RHCE: variants seen among roughly 807,000 people sequenced by gnomAD.
RHCE encodes blood group Rh(CE) polypeptide.
A neutral mutation model predicts 43.8 loss-of-function variants in RHCE; 22 were observed. That is an observed-to-expected ratio of 0.50 (90% CI 0.36 to 0.72). The LOEUF is 0.72. Ranked by LOEUF, RHCE falls within the 30% of genes least tolerant of loss-of-function variation. The probability of loss-of-function intolerance (pLI) is 0.00; values close to 1 mark genes in which losing one functional copy is unlikely to be tolerated. For synonymous variants in RHCE, 156 were observed against 210.7 expected (o/e 0.74, Z 2.25); for missense variants, 385 against 525.4 (o/e 0.73, Z 2.61).
chr1:25,380,336 G>A lies in RHCE; in HGVS notation c.1074-4908C>T, dbSNP rs895861006. On this transcript the variant is annotated intron_variant, in intron 7 of 9. Coordinates refer to ENST00000294413, the MANE Select transcript of RHCE (RefSeq NM_020485.8). ...ATGGAATTTGGACCCCCGAAGCTTC[G>A]GGGAGCTCTGCCCCTGTGGTTTTGC... Among the ~76,000 whole-genome samples the A allele has an allele frequency of 5.7e-3, 818 of 143,686 alleles. 3 individuals carry two copies. The highest frequency in any genetic ancestry group is 9.0e-3 in the Non-Finnish European group (589 of 65,776). The allele number at this position is 143,686 out of a possible 152,430, so 94.3% of individuals were successfully genotyped here. A position where few individuals can be genotyped will look rare whatever the true frequency, so the allele number is the denominator to read the frequency against.
intron 8 of RHCE, 40 bp from the exon 9 acceptor site, chr1:25,370,580 A>T (rs1557596794): frequency 6.5e-7 from 1 of 1,528,786 alleles, no homozygotes; most frequent in East Asian, 2.3e-5. Context: ...GATTTGGAGC[A>T]CAGGATTTTT....
chr1:25,371,264 A>G (rs1208736317), intron 8 of RHCE, among the ~76,000 whole-genome samples: 1 of 151,034 alleles, frequency 6.6e-6, no homozygotes, highest in Non-Finnish European at 1.5e-5. Context: ...GCTCCAGTCA[A>G]CTCCTGGGAA....
chr1:25,424,828 G>GA (rs2042793141), upstream of RHCE, among the ~76,000 whole-genome samples: 1 of 148,072 alleles, frequency 6.8e-6, no homozygotes, highest in Non-Finnish European at 1.5e-5. Context: ...GTGTATTTAG[G>GA]TTTTTTTTTT....
intron 9 of RHCE, among the ~76,000 whole-genome samples, chr1:25,369,730 A>AT (rs3080376): frequency 0.062 from 5,874 of 95,404 alleles, 843 homozygotes; most frequent in African/African-American, 0.22. Context: ...CACTGTAAGA[A>AT]TTTTTTTTTT....
chr1:25,408,726 G>C lies in RHCE; in HGVS notation c.292C>G (p.Leu98Val). The C allele has an allele frequency of 7.8e-7, 1 of 1,282,474 alleles. No individual in the cohort carries two copies. Among genetic ancestry groups the C allele is most frequent in the South Asian group, 1.9e-5 (1 of 53,626 alleles). 79.4% of individuals were successfully genotyped at this position (1,282,474 alleles called of 1,614,324 possible). Residue 98 changes from leucine to valine, a missense_variant, in exon 2 of 10, where the codon CTG becomes GTG. By Grantham distance (32) the Leu-to-Val change is conservative (BLOSUM62 1). Transcript: ENST00000294413. ...VQWAILLDGF[L>V]SQFPPGKVVI... Reference sequence around the variant, plus strand: ...ACCTTCCCAGGAGGGAACTGGCTCAGGAAGCCGTCCAGCAGGATTGCCCAC... The same window carrying C: ...ACCTTCCCAGGAGGGAACTGGCTCACGAAGCCGTCCAGCAGGATTGCCCAC...
chr1:25,373,192 C>T (rs1182398694), intron 8 of RHCE, among the ~76,000 whole-genome samples: 1 of 151,576 alleles, frequency 6.6e-6, no homozygotes, highest in African/African-American at 2.4e-5. Flanking sequence ...TTGTCTTTTC[C>T]TCTATTCTCT....
upstream of RHCE, among the ~76,000 whole-genome samples, chr1:25,424,198 T>C (rs1233835303): frequency 6.6e-6 from 1 of 152,240 alleles, no homozygotes; most frequent in Non-Finnish European, 1.5e-5. Flanking sequence ...CACTAAGCTA[T>C]GATGTTCCGT....
At chr1:25,430,157 G>A (rs1044212906) in exon 1 of RHCE, 11 of 152,074 alleles carry the variant, frequency 7.2e-5, no homozygotes, top group African/African-American at 1.9e-4. Flanking sequence ...TGTGGACGTG[G>A]AGCCCGGGCC....
intron 1 of RHCE, among the ~76,000 whole-genome samples, chr1:25,411,793 C>A (rs1480670828): frequency 1.3e-5 from 2 of 152,156 alleles, no homozygotes; most frequent in African/African-American, 4.8e-5. Flanking sequence ...AGGTGCAGTG[C>A]ACATGTGGGA....
chr1:25,379,794 C>G (rs1645938052), intron 7 of RHCE, among the ~76,000 whole-genome samples: 2 of 152,066 alleles, frequency 1.3e-5, no homozygotes, highest in South Asian at 4.1e-4. Context: ...CTCACCTCAG[C>G]CTCCTGAGTA....
In RHCE at chr1:25,362,549, G is replaced by A; in HGVS notation, c.1232C>T (p.Pro411Leu). ...TGCTTAAAATCCAACAGCCAAATGA[G>A]GAAACTGTAAAAGCAAAACAAACAT... ...YFDDQVFWKF[P>L]HLAVGF The change falls in exon 10 of 10, where the codon CCT becomes CTT. Residue 411 changes from proline (P) to leucine (L), a missense_variant. By Grantham distance (98) the Pro-to-Leu change is moderately conservative. Coordinates refer to ENST00000294413, the MANE Select transcript of RHCE (RefSeq NM_020485.8). 6.3e-7 allele frequency: 1 copy of A among 1,581,286 alleles called. No individual in the cohort carries two copies. Among genetic ancestry groups the A allele is most frequent in the Non-Finnish European group, 8.7e-7 (1 of 1,155,770 alleles).
At chr1:25,419,514 C>A (rs569561103) in intron 1 of RHCE, among the ~76,000 whole-genome samples, 1 of 152,202 alleles carries the variant, frequency 6.6e-6, no homozygotes, top group South Asian at 2.1e-4. Flanking sequence ...TAGGAACAAG[C>A]AAGCACTCAA....
At chr1:25,420,583 C>T in intron 1 of RHCE, 56 bp downstream of exon 1, 1 of 1,613,738 alleles carries the variant, frequency 6.2e-7, no homozygotes, top group South Asian at 1.1e-5. Flanking sequence ...CATAGGCCTC[C>T]CCCGCCCCTG....
chr1:25,374,514 T>C (rs903017787), intron 8 of RHCE, among the ~76,000 whole-genome samples: 1 of 150,750 alleles, frequency 6.6e-6, no homozygotes, highest in African/African-American at 2.5e-5. Context: ...TCCAGTGGCT[T>C]CCCATCTTTT....
upstream of RHCE, chr1:25,421,005 T>G (rs2042753423): frequency 1.7e-6 from 1 of 598,694 alleles, no homozygotes. Context: ...ATATTGTCAT[T>G]CATTCAACAA....
intron 7 of RHCE, among the ~76,000 whole-genome samples, chr1:25,383,558 T>C (rs1352940835): frequency 6.6e-6 from 1 of 152,212 alleles, no homozygotes; most frequent in Non-Finnish European, 1.5e-5. Context: ...TTTAGGGAGT[T>C]TGAGTACCAG....
At chr1:25,425,742 T>C (rs186889100), upstream of RHCE, among the ~76,000 whole-genome samples, 470 of 152,286 alleles carry the variant, frequency 3.1e-3, 2 homozygotes, top group African/African-American at 0.01. Flanking sequence ...ATCATGACTT[T>C]TCTGTAAACA....
chr1:25,424,286 GA>G (rs2042788871), upstream of RHCE, among the ~76,000 whole-genome samples: 2 of 151,984 alleles, frequency 1.3e-5, no homozygotes, highest in Admixed American at 1.3e-4. Context: ...TAACCTCATC[GA>G]AAGTCAAGGA....
intron 7 of RHCE, among the ~76,000 whole-genome samples, chr1:25,384,563 T>C (rs878941049): frequency 4.6e-5 from 7 of 152,282 alleles, no homozygotes; most frequent in East Asian, 1.9e-4. Flanking sequence ...TGGAACCCAT[T>C]ACAGAGGCAC....
Sources: allele counts gnomAD v4.1 joint callset (sites outside exome capture counted in the v4.1 genomes callset), GRCh38; gene constraint gnomAD v4.1.1; transcripts MANE v1.5; gene names NCBI Gene and HGNC (gene_info 2026-07-23, HGNC 2026-07-21).